The following MRPS28 variants were observed in gnomAD, a reference collection of about 807,000 sequenced individuals.
MRPS28 encodes mitochondrial ribosomal protein S28.
MRPS28 carries 7 observed loss-of-function variants against 10.8 expected under a neutral mutation model. The observed-to-expected ratio is 0.65, with a 90% confidence interval of 0.37 to 1.22. The LOEUF (loss-of-function observed/expected upper bound fraction) is 1.22, where lower values mean the gene tolerates loss of function less well. MRPS28 is among the 50% of genes most tolerant of loss of function. The pLI, the probability that MRPS28 is intolerant of heterozygous loss-of-function variation, is 0.02. For missense variants in MRPS28, 265 were observed against 232.9 expected (o/e 1.14, Z -0.90); for synonymous variants, 121 against 93.3 (o/e 1.30, Z -1.71).
At chr8:79,974,712 G>A (rs750740059) in intron 2 of MRPS28, among the ~76,000 whole-genome samples, 8 of 152,012 alleles carry the variant, frequency 5.3e-5, no homozygotes, top group South Asian at 4.2e-4. Flanking sequence ...GTTTTTCAAG[G>A]ATAAAGCTCA....
intron 2 of MRPS28, among the ~76,000 whole-genome samples, chr8:79,967,797 G>A (rs1255109838): frequency 6.6e-6 from 1 of 152,060 alleles, no homozygotes; most frequent in Non-Finnish European, 1.5e-5. Flanking sequence ...CGTGTGGCCA[G>A]CACTGCCCCA....
In MRPS28 at chr8:80,028,648, G is replaced by GCGGGAGGGGGGGGGGGC. The variant is rs1554575886; in HGVS notation, c.213+1387_213+1388insGCCCCCCCCCCCTCCCG. 2.2e-4 allele frequency: 22 copies of GCGGGAGGGGGGGGGGGC among 98,200 alleles called. 5 individuals are homozygous for GCGGGAGGGGGGGGGGGC. Among genetic ancestry groups the GCGGGAGGGGGGGGGGGC allele is most frequent in the African/African-American group, 8.6e-4 (19 of 22,178 alleles). 6.1% of individuals were successfully genotyped at this position (98,200 alleles called of 1,614,324 possible). Reference sequence around the variant, plus strand: ...CAGGGATCTCAAAAGCAGAAGACGGGCGGGGGGGGCGGGGCCGGGCGGGGT... The same window carrying GCGGGAGGGGGGGGGGGC: ...CAGGGATCTCAAAAGCAGAAGACGGGCGGGAGGGGGGGGGGGCCGGGGGGGGCGGGGCCGGGCGGGGT... On this transcript the variant is annotated intron_variant, in intron 1 of 2. Transcript: ENST00000276585.
chr8:79,982,197 A>G (rs1211626562), intron 2 of MRPS28, among the ~76,000 whole-genome samples: 2 of 152,356 alleles, frequency 1.3e-5, no homozygotes, highest in East Asian at 3.9e-4. Context: ...CAGTGAGTCA[A>G]GATCGCACCA....
chr8:80,026,165 C>A (rs1809488812), intron 1 of MRPS28, among the ~76,000 whole-genome samples: 1 of 152,146 alleles, frequency 6.6e-6, no homozygotes, highest in African/African-American at 2.4e-5. Context: ...ATCTTGTAAT[C>A]TCACGATACT....
intron 2 of MRPS28, among the ~76,000 whole-genome samples, chr8:79,997,354 G>A (rs991392242): frequency 5.9e-5 from 9 of 152,108 alleles, no homozygotes; most frequent in African/African-American, 2.2e-4. Flanking sequence ...ATGGGGCCAA[G>A]GCGTTCTCTC....
intron 2 of MRPS28, among the ~76,000 whole-genome samples, chr8:79,923,536 T>C (rs1028799602): frequency 2.6e-5 from 4 of 152,226 alleles, no homozygotes; most frequent in South Asian, 4.1e-4. Context: ...TGTTATTTTT[T>C]ACATTTTTTT....
chr8:79,919,180 T>A (rs1443528643), intron 2 of MRPS28, 32 bp from the exon 3 acceptor site: 3 of 1,502,192 alleles, frequency 2.0e-6, no homozygotes, highest in African/African-American at 2.8e-5. Flanking sequence ...AATCCATTAA[T>A]TCTGAATATC....
intron 2 of MRPS28, among the ~76,000 whole-genome samples, chr8:79,933,336 TC>T (rs1806517425): frequency 1.3e-5 from 2 of 152,214 alleles, no homozygotes; most frequent in African/African-American, 2.4e-5. Context: ...CTTTCACATT[TC>T]TTCCTCCTTT....
At chr8:80,027,036 C>G (rs992813318) in intron 1 of MRPS28, among the ~76,000 whole-genome samples, 2 of 152,168 alleles carry the variant, frequency 1.3e-5, no homozygotes, top group African/African-American at 4.8e-5. Context: ...CAACATCCCC[C>G]ACCAGAGCGG....
chr8:79,959,655 G>A (rs1473492858), intron 2 of MRPS28, among the ~76,000 whole-genome samples: 1 of 152,008 alleles, frequency 6.6e-6, no homozygotes, highest in Non-Finnish European at 1.5e-5. Flanking sequence ...GGGTATGAAA[G>A]AAAGGTTACC....
chr8:79,974,854 G>A (rs1807748324), intron 2 of MRPS28, among the ~76,000 whole-genome samples: 1 of 152,048 alleles, frequency 6.6e-6, no homozygotes. Flanking sequence ...ACAAAAAAAA[G>A]TTTGTCTCAT....
At chr8:80,023,457 A>G (rs73691131) in intron 1 of MRPS28, among the ~76,000 whole-genome samples, 2,157 of 152,234 alleles carry the variant, frequency 0.014, 52 homozygotes, top group African/African-American at 0.049. Context: ...TTCTGAAAGG[A>G]TTGAACATCT....
chr8:79,938,859 TAAATG>T (rs913875633), intron 2 of MRPS28, among the ~76,000 whole-genome samples: 1 of 152,128 alleles, frequency 6.6e-6, no homozygotes, highest in Non-Finnish European at 1.5e-5. Context: ...ATCAAACAAA[TAAATG>T]AAAAAGAAAC....
At chr8:80,003,969 A>T (rs573824879) in intron 1 of MRPS28, among the ~76,000 whole-genome samples, 2 of 152,328 alleles carry the variant, frequency 1.3e-5, no homozygotes, top group African/African-American at 4.8e-5. Context: ...AGGCTTGAGT[A>T]GGTAAACAAA....
At chr8:80,013,634 C>CAAAAAAAAAAAAA (rs5892700) in intron 1 of MRPS28, among the ~76,000 whole-genome samples, 15 of 75,586 alleles carry the variant, frequency 2.0e-4, no homozygotes, top group South Asian at 4.5e-4. Context: ...GACTCCATCT[C>CAAAAAAAAAAAAA]AAAAAAAAAA....
At chr8:79,973,029 G>A (rs919707033) in intron 2 of MRPS28, among the ~76,000 whole-genome samples, 1 of 152,156 alleles carries the variant, frequency 6.6e-6, no homozygotes, top group Non-Finnish European at 1.5e-5. Context: ...AAATTGATAG[G>A]TATTCAACAG....
chr8:79,986,831 A>G lies in MRPS28; in HGVS notation c.395+16168T>C, dbSNP rs1244698331. On this transcript the variant is annotated intron_variant, in intron 2 of 2. Coordinates refer to ENST00000276585, the MANE Select transcript of MRPS28 (RefSeq NM_014018.3). ...CTCATGGGTAGGAAGAATCAATATC[A>G]TGAAAATGGCCATACTGCCCAAGGT... Among the ~76,000 whole-genome samples the G allele has an allele frequency of 2.7e-4, 41 of 150,498 alleles. 1 individual carries two copies. The highest frequency in any genetic ancestry group is 1.1e-3 in the Admixed American group (16 of 14,976).
intron 2 of MRPS28, chr8:79,956,326 A>G (rs572580875): frequency 6.6e-6 from 1 of 152,268 alleles, no homozygotes; most frequent in East Asian, 1.9e-4. Context: ...TTCATCTGGT[A>G]GAATGCTAAC....
intron 2 of MRPS28, 115 bp downstream of exon 2, chr8:80,002,884 G>T: frequency 1.1e-6 from 1 of 920,906 alleles, no homozygotes; most frequent in South Asian, 2.2e-5. Context: ...GCATTATCAA[G>T]ACAAATAAAT....
Sources: allele counts gnomAD v4.1 joint callset (sites outside exome capture counted in the v4.1 genomes callset), GRCh38; gene constraint gnomAD v4.1.1; transcripts MANE v1.5; gene names NCBI Gene and HGNC (gene_info 2026-07-23, HGNC 2026-07-21).